The following ASB4 variants were observed in gnomAD, a reference collection of about 807,000 sequenced individuals.
The protein encoded by ASB4 is ankyrin repeat and SOCS box containing 4.
Under a neutral mutation model 38.6 loss-of-function variants are expected in ASB4, and 35 were observed. The observed-to-expected ratio is 0.91, with a 90% CI of 0.69 to 1.20. The LOEUF is 1.20. Among genes scored for constraint, ASB4 ranks in the 50% most tolerant of loss-of-function variants. The pLI is 0.00. For missense variants in ASB4, 557 were observed against 527.2 expected (o/e 1.06, Z -0.55); for synonymous variants, 195 against 201.3 (o/e 0.97, Z 0.26).
chr7:95,537,208 A>G (rs1368778554), intron 4 of ASB4, among the ~76,000 whole-genome samples: 1 of 152,194 alleles, frequency 6.6e-6, no homozygotes, highest in Admixed American at 6.6e-5. Context: ...TTTAAAAGTC[A>G]CCTAACTTGA....
chr7:95,500,564 G>A (rs1225991189), intron 2 of ASB4, among the ~76,000 whole-genome samples: 9 of 75,878 alleles, frequency 1.2e-4, no homozygotes, highest in Non-Finnish European at 1.5e-4. Context: ...AGCAAGATCT[G>A]TCTCAAAAAA....
chr7:95,474,703 T>A (rs1025344094), upstream of ASB4, among the ~76,000 whole-genome samples: 7 of 152,106 alleles, frequency 4.6e-5, no homozygotes, highest in South Asian at 4.1e-4. Context: ...AAAAAAAATT[T>A]TTTTTAGAGA....
chr7:95,540,117 G>T lies in ASB4; in HGVS notation c.*2358G>T, dbSNP rs564530361. 2.0e-5 allele frequency: 3 copies of T among 152,150 alleles called. No homozygotes were observed. Among genetic ancestry groups the T allele is most frequent in the African/African-American group, 4.8e-5 (2 of 41,436 alleles). The allele number at this position is 152,150 out of a possible 1,614,324, so 9.4% of individuals were successfully genotyped here. ...GTGCTTAAACACTTATGTTCATCTAGTGTAGAATACATGGCTACTTGTTTG... is the reference window on the plus strand; with the variant it reads ...GTGCTTAAACACTTATGTTCATCTATTGTAGAATACATGGCTACTTGTTTG... On this transcript the variant is annotated 3_prime_UTR_variant, in exon 5 of 5. Coordinates refer to ENST00000325885, the MANE Select transcript of ASB4 (RefSeq NM_016116.3).
At chr7:95,550,515 T>C in the ASB4 span, among the ~76,000 whole-genome samples, 1 of 152,158 alleles carries the variant, frequency 6.6e-6, no homozygotes, top group African/African-American at 2.4e-5. Context: ...AAAGCAAACC[T>C]GAAACTGTTT....
rs766078059 is a variant in ASB4, at chr7:95,528,126, C to T, written c.801C>T (p.Leu267=). The T allele has an allele frequency of 1.3e-5, 21 of 1,614,080 alleles. No individual in the cohort carries two copies. Among genetic ancestry groups the T allele is most frequent in the Middle Eastern group, 1.6e-4 (1 of 6,084 alleles). ...HKAAWNCDHV[L]MHMMLEAGAE... ...CAGCCTGGAACTGTGACCACGTGCT[C>T]ATGCACATGATGCTGGAAGCTGGCG... Residue 267 remains leucine, a synonymous_variant, in exon 3 of 5, where the codon CTC becomes CTT. Transcript: ENST00000325885.
At chr7:95,490,008 CTT>C in intron 1 of ASB4, among the ~76,000 whole-genome samples, 1 of 152,332 alleles carries the variant, frequency 6.6e-6, no homozygotes, top group South Asian at 2.1e-4. Flanking sequence ...ATACTTATCT[CTT>C]TGGTATGAAA....
chr7:95,502,467 T>C (rs1474284149), intron 2 of ASB4, among the ~76,000 whole-genome samples: 2 of 152,068 alleles, frequency 1.3e-5, no homozygotes, highest in Non-Finnish European at 2.9e-5. Context: ...CCTCTAGGAT[T>C]AGGGACCAAT....
At chr7:95,481,228 T>A (rs1011591787), upstream of ASB4, among the ~76,000 whole-genome samples, 13 of 152,104 alleles carry the variant, frequency 8.5e-5, no homozygotes, top group African/African-American at 2.7e-4. Flanking sequence ...ACCCAAACAC[T>A]ACAACTGGAA....
Position 95,486,003 on chromosome 7 carries a change from C to A in ASB4, c.32C>A (p.Ser11Tyr). The stretch of plus-strand genomic sequence containing the variant: ...GGCACCACTGCCCCTGTCACTAAAT[C>A]TGGAGCTGCCAAGTTAGTTAAGAGA... MDGTTAPVTKSGAAKLVKRNF... is the reference protein window; with the variant it reads MDGTTAPVTKYGAAKLVKRNF... Residue 11 changes from serine (S) to tyrosine (Y), a missense_variant, in exon 1 of 5, where the codon TCT becomes TAT. Coordinates refer to ENST00000325885, the MANE Select transcript of ASB4 (RefSeq NM_016116.3). The A allele has an allele frequency of 6.2e-7, 1 of 1,614,036 alleles. No individual in the cohort carries two copies. The highest frequency in any genetic ancestry group is 8.5e-7 in the Non-Finnish European group (1 of 1,179,934).
At chr7:95,490,040 A>T (rs1790149511) in intron 1 of ASB4, among the ~76,000 whole-genome samples, 3 of 152,258 alleles carry the variant, frequency 2.0e-5, no homozygotes, top group Admixed American at 1.3e-4. Context: ...CAGCAAGGTT[A>T]ATCAGAGTCC....
At chr7:95,525,063 A>AACACAGAG (rs1323989170) in intron 2 of ASB4, among the ~76,000 whole-genome samples, 1 of 152,240 alleles carries the variant, frequency 6.6e-6, no homozygotes, top group East Asian at 1.9e-4. Flanking sequence ...ATTTTCCTGC[A>AACACAGAG]ACACAGAGAC....
In ASB4 at chr7:95,537,863, A is replaced by C. The variant is rs1370716336; in HGVS notation, c.*104A>C. 2 of 915,610 alleles carry C rather than the reference A, an allele frequency of 2.2e-6. No individual in the cohort carries two copies. The highest frequency in any genetic ancestry group is 3.3e-6 in the Non-Finnish European group (2 of 604,420). The allele number at this position is 915,610 out of a possible 1,614,324, so 56.7% of individuals were successfully genotyped here. Reference sequence around the variant, plus strand: ...GTACTTGGGTTGATTATAACACTTCAGGGATTTCAAAACACTTTACAAACA... The same window carrying C: ...GTACTTGGGTTGATTATAACACTTCCGGGATTTCAAAACACTTTACAAACA... On this transcript the variant is annotated 3_prime_UTR_variant, in exon 5 of 5. Transcript: ENST00000325885.
At chr7:95,528,783 A>ATAATTTT in intron 3 of ASB4, 1 of 766,582 alleles carries the variant, frequency 1.3e-6, no homozygotes, top group Non-Finnish European at 1.6e-6. Context: ...TATAATAAAT[A>ATAATTTT]AGCACACTGT....
chr7:95,475,179 C>G (rs377108178), upstream of ASB4, among the ~76,000 whole-genome samples: 2 of 151,990 alleles, frequency 1.3e-5, no homozygotes, highest in Non-Finnish European at 2.9e-5. Context: ...TCTGAAGTAC[C>G]GAAAAATTTG....
intron 2 of ASB4, among the ~76,000 whole-genome samples, chr7:95,507,316 A>G (rs1790424000): frequency 6.6e-6 from 1 of 151,664 alleles, no homozygotes; most frequent in Non-Finnish European, 1.5e-5. Flanking sequence ...CCAGGTGCTA[A>G]GTTAGGGGAA....
chr7:95,509,465 A>G (rs769671951), intron 2 of ASB4, among the ~76,000 whole-genome samples: 1 of 152,230 alleles, frequency 6.6e-6, no homozygotes, highest in Non-Finnish European at 1.5e-5. Context: ...GCACTTAGCA[A>G]TAGCTTCTGA....
downstream of ASB4, chr7:95,544,079 T>A (rs1267287430): frequency 6.6e-6 from 1 of 152,136 alleles, no homozygotes; most frequent in Non-Finnish European, 1.5e-5. Context: ...TCCCTTCTCA[T>A]GTAAAACACT....
At chr7:95,487,553 G>A (rs1790109312) in intron 1 of ASB4, among the ~76,000 whole-genome samples, 1 of 152,330 alleles carries the variant, frequency 6.6e-6, no homozygotes, top group East Asian at 1.9e-4. Context: ...ATTGTGGGAA[G>A]TTTCTGAGGA....
chr7:95,550,874 C>T, the ASB4 span, among the ~76,000 whole-genome samples: 3 of 152,268 alleles, frequency 2.0e-5, no homozygotes, highest in East Asian at 5.8e-4. Flanking sequence ...GATGTCTTTC[C>T]AACCCCTTCC....
Sources: allele counts gnomAD v4.1 joint callset (sites outside exome capture counted in the v4.1 genomes callset), GRCh38; gene constraint gnomAD v4.1.1; transcripts MANE v1.5; gene names NCBI Gene and HGNC (gene_info 2026-07-23, HGNC 2026-07-21).